The following FBXL4 variants were observed in gnomAD, a reference collection of about 807,000 sequenced individuals.
FBXL4 encodes F-box/LRR-repeat protein 4.
Under a neutral mutation model 58.9 loss-of-function variants are expected in FBXL4, and 40 were observed. The observed-to-expected ratio is 0.68, with a 90% CI of 0.53 to 0.88. The LOEUF is 0.88. FBXL4 is among the 40% of genes least tolerant of loss of function. The pLI, the probability that FBXL4 is intolerant of heterozygous loss-of-function variation, is 0.00. For synonymous variants in FBXL4, 263 were observed against 265.5 expected, an observed-to-expected ratio of 0.99 and a Z score of 0.09; for missense variants, 676 against 734.4, an observed-to-expected ratio of 0.92 and a Z score of 0.92.
intron 4 of FBXL4, among the ~76,000 whole-genome samples, chr6:98,922,607 A>C (rs1772625810): frequency 1.3e-5 from 2 of 152,196 alleles, no homozygotes; most frequent in Admixed American, 6.5e-5. Context: ...ATCTTTATTC[A>C]AGATTCTGAT....
chr6:98,936,190 G>C (rs1018039662), intron 1 of FBXL4, among the ~76,000 whole-genome samples: 3 of 152,126 alleles, frequency 2.0e-5, no homozygotes, highest in South Asian at 2.1e-4. Context: ...AGTATAAAAT[G>C]TACCCCACTT....
intron 7 of FBXL4, chr6:98,897,243 AG>A: frequency 1.0e-6 from 1 of 985,398 alleles, no homozygotes; most frequent in Non-Finnish European, 1.2e-6. Context: ...GCCAGTAAAA[AG>A]CAGGTATGGC....
intron 2 of FBXL4, among the ~76,000 whole-genome samples, chr6:98,930,795 A>G (rs1051602299): frequency 6.6e-6 from 1 of 152,224 alleles, no homozygotes; most frequent in Non-Finnish European, 1.5e-5. Flanking sequence ...CCTTAACAAA[A>G]AAAATTGAAA....
At chr6:98,908,504 G>A (rs911157369) in intron 5 of FBXL4, among the ~76,000 whole-genome samples, 1 of 151,932 alleles carries the variant, frequency 6.6e-6, no homozygotes, top group African/African-American at 2.4e-5. Context: ...TGTTCATCTT[G>A]GCAAACTTTG....
chr6:98,899,156 A>T, intron 7 of FBXL4, 112 bp downstream of exon 7: 1 of 1,492,076 alleles, frequency 6.7e-7, no homozygotes, highest in Non-Finnish European at 8.9e-7. Flanking sequence ...GTCAGAAGGC[A>T]TCATAAACTT....
intron 2 of FBXL4, among the ~76,000 whole-genome samples, chr6:98,932,806 A>C (rs1296864475): frequency 1.3e-5 from 2 of 152,094 alleles, no homozygotes; most frequent in Non-Finnish European, 2.9e-5. Flanking sequence ...ACATGGAAAA[A>C]CACAAAAAGG....
At chr6:98,936,249 C>G (rs1327108336) in intron 1 of FBXL4, among the ~76,000 whole-genome samples, 1 of 152,116 alleles carries the variant, frequency 6.6e-6, no homozygotes, top group Non-Finnish European at 1.5e-5. Context: ...CCAACATAAC[C>G]ACCACCAAAA....
At chr6:98,924,361 A>G (rs1772694379) in intron 4 of FBXL4, among the ~76,000 whole-genome samples, 1 of 152,182 alleles carries the variant, frequency 6.6e-6, no homozygotes, top group African/African-American at 2.4e-5. Context: ...GTTCGAGACC[A>G]GCCTGCCCAA....
intron 2 of FBXL4, among the ~76,000 whole-genome samples, chr6:98,929,872 G>A (rs1381666578): frequency 6.6e-6 from 1 of 152,150 alleles, no homozygotes; most frequent in Non-Finnish European, 1.5e-5. Flanking sequence ...GCAATGGGGG[G>A]AAAGTCACCA....
intron 7 of FBXL4, among the ~76,000 whole-genome samples, chr6:98,881,216 T>C (rs1428138227): frequency 2.0e-5 from 3 of 152,162 alleles, no homozygotes; most frequent in African/African-American, 7.2e-5. Context: ...ATATATAATA[T>C]GTACTTTCTA....
At chr6:98,936,474 T>G (rs1006718730) in intron 1 of FBXL4, among the ~76,000 whole-genome samples, 1 of 152,240 alleles carries the variant, frequency 6.6e-6, no homozygotes, top group Non-Finnish European at 1.5e-5. Context: ...CCTTTTCTTC[T>G]GTCTCTGCGA....
intron 5 of FBXL4, among the ~76,000 whole-genome samples, chr6:98,916,380 A>C (rs1198112495): frequency 6.6e-6 from 1 of 152,086 alleles, no homozygotes; most frequent in African/African-American, 2.4e-5. Context: ...ATGTTTATTG[A>C]GGCACTATTC....
In FBXL4 at chr6:98,905,636, G is replaced by A. The variant is rs768785974; in HGVS notation, c.893C>T (p.Pro298Leu). ...IQLILNHLTL[P>L]DLCRLAQTCK... is the part of the protein sequence containing the mutation. ...AGTCTGTGCTAATCTACACAGGTCTGGTAGTGTAAGATGATTCAGAATCAG... is the reference window on the plus strand; with the variant it reads ...AGTCTGTGCTAATCTACACAGGTCTAGTAGTGTAAGATGATTCAGAATCAG... Residue 298 changes from proline (P) to leucine (L), a missense_variant, in exon 6 of 10, where the codon CCA becomes CTA. Physicochemically the swap from Pro to Leu is moderately conservative, Grantham distance 98 (BLOSUM62 -3). Transcript: ENST00000369244. The A allele has an allele frequency of 6.2e-7, 1 of 1,613,724 alleles. No individual in the cohort carries two copies. The highest frequency in any genetic ancestry group is 8.5e-7 in the Non-Finnish European group (1 of 1,179,800).
intron 1 of FBXL4, among the ~76,000 whole-genome samples, chr6:98,936,240 C>G (rs529588829): frequency 2.0e-5 from 3 of 152,206 alleles, no homozygotes; most frequent in South Asian, 4.2e-4. Flanking sequence ...TGACAGAAAC[C>G]AACATAACCA....
chr6:98,944,836 G>A (rs1306707520), intron 1 of FBXL4, among the ~76,000 whole-genome samples: 1 of 152,180 alleles, frequency 6.6e-6, no homozygotes, highest in African/African-American at 2.4e-5. Context: ...ATCTGCTAGT[G>A]TCACTGGGCT....
chr6:98,917,291 C>A, intron 5 of FBXL4, 83 bp downstream of exon 5: 1 of 940,124 alleles, frequency 1.1e-6, no homozygotes, highest in Non-Finnish European at 1.6e-6. Flanking sequence ...GCTCAATTAC[C>A]GATGCTCAGT....
intron 2 of FBXL4, among the ~76,000 whole-genome samples, chr6:98,932,853 T>C (rs1272960747): frequency 6.7e-6 from 1 of 149,834 alleles, no homozygotes; most frequent in African/African-American, 2.5e-5. Flanking sequence ...ACAAGGCAAA[T>C]TGTAACACAA....
intron 4 of FBXL4, among the ~76,000 whole-genome samples, chr6:98,925,323 T>C (rs1772737162): frequency 6.6e-6 from 1 of 152,194 alleles, no homozygotes; most frequent in Non-Finnish European, 1.5e-5. Context: ...GTACAGACTC[T>C]TTGGAGAGAA....
At chr6:98,928,417 C>T (rs956218941) in intron 2 of FBXL4, among the ~76,000 whole-genome samples, 20 of 151,994 alleles carry the variant, frequency 1.3e-4, no homozygotes, top group African/African-American at 4.6e-4. Flanking sequence ...TAACCTCTGC[C>T]TCCTGGTTTC....
Sources: gnomAD v4.1 joint callset for allele counts (sites outside exome capture counted in the v4.1 genomes callset) on GRCh38, gnomAD v4.1.1 for gene constraint, MANE v1.5 for transcripts, NCBI Gene and HGNC (gene_info 2026-07-23, HGNC 2026-07-21) for gene names.